CSMD1: variants seen among roughly 807,000 people sequenced by gnomAD.
CSMD1 encodes the protein CUB and sushi domain-containing protein 1.
Under a neutral mutation model 417.5 loss-of-function variants are expected in CSMD1, and 213 were observed. That is an observed-to-expected ratio of 0.51 (90% CI 0.46 to 0.57). The LOEUF (loss-of-function observed/expected upper bound fraction) is 0.57, where lower values mean the gene tolerates loss of function less well. Among genes scored for constraint, CSMD1 ranks in the 20% least tolerant of loss-of-function variants. The pLI is 0.00. For missense variants in CSMD1, 6,923 were observed against 4,529.7 expected, an observed-to-expected ratio of 1.53 and a Z score of -15.17; for synonymous variants, 2,862 against 1,736.8, an observed-to-expected ratio of 1.65 and a Z score of -16.11.
chr8:4,720,915 T>C (rs1420433123), intron 1 of CSMD1, among the ~76,000 whole-genome samples: 1 of 152,162 alleles, frequency 6.6e-6, no homozygotes, highest in Non-Finnish European at 1.5e-5. Flanking sequence ...TGATCAAACA[T>C]CTTAACTTTC....
intron 5 of CSMD1, among the ~76,000 whole-genome samples, chr8:3,924,860 C>A (rs955667656): frequency 1.3e-5 from 2 of 152,028 alleles, no homozygotes; most frequent in African/African-American, 4.8e-5. Context: ...TTCAAAAATT[C>A]TCATTTCTTT....
chr8:4,051,381 G>C (rs1003663174), intron 3 of CSMD1, among the ~76,000 whole-genome samples: 10 of 152,028 alleles, frequency 6.6e-5, no homozygotes, highest in African/African-American at 2.4e-4. Flanking sequence ...TGATCCCGGA[G>C]GGCTGATCCA....
In CSMD1 at chr8:4,848,068, A is replaced by T. The variant is rs576210439; in HGVS notation, c.85+146264T>A. ...GGGGACATTTCCTATGAATGGAGTC[A>T]TAGACATGCTGTATGGTTTTGCAAC... On this transcript the variant is annotated intron_variant, in intron 1 of 69. Coordinates refer to ENST00000635120, the MANE Select transcript of CSMD1 (RefSeq NM_033225.6). 4.6e-5 allele frequency among the ~76,000 whole-genome samples: 7 copies of T among 152,268 alleles called. No homozygotes were observed. In the East Asian group the frequency reaches 1.4e-3, roughly 29 times the overall value.
At chr8:3,396,554 C>T (rs1554538003) in intron 16 of CSMD1, among the ~76,000 whole-genome samples, 173 bp from the exon 17 acceptor site, 1 of 152,122 alleles carries the variant, frequency 6.6e-6, no homozygotes, top group Admixed American at 6.5e-5. Context: ...ATGTTCTTTT[C>T]TTGATGAGAC....
intron 5 of CSMD1, among the ~76,000 whole-genome samples, chr8:3,997,344 C>T (rs760029521): frequency 4.6e-5 from 7 of 152,152 alleles, no homozygotes; most frequent in Non-Finnish European, 8.8e-5. Flanking sequence ...TACTGGGGTA[C>T]ACACCAGAGA....
intron 3 of CSMD1, among the ~76,000 whole-genome samples, chr8:4,114,463 A>G (rs989600995): frequency 2.0e-5 from 3 of 152,222 alleles, no homozygotes; most frequent in African/African-American, 7.2e-5. Context: ...AGAGATGCTT[A>G]AAGAGATTAA....
intron 2 of CSMD1, among the ~76,000 whole-genome samples, chr8:4,490,000 GTC>G (rs1452299659): frequency 6.7e-6 from 1 of 149,368 alleles, no homozygotes; most frequent in African/African-American, 2.5e-5. Flanking sequence ...CAAAATTGTT[GTC>G]TGTCTTTCCA....
intron 7 of CSMD1, among the ~76,000 whole-genome samples, chr8:3,690,317 C>A (rs999468445): frequency 2.0e-5 from 3 of 152,258 alleles, no homozygotes; most frequent in Non-Finnish European, 4.4e-5. Context: ...GATCGCACCA[C>A]TGCACTGCAG....
intron 3 of CSMD1, among the ~76,000 whole-genome samples, chr8:4,071,301 T>A (rs1189710862): frequency 6.6e-6 from 1 of 152,194 alleles, no homozygotes; most frequent in Admixed American, 6.5e-5. Flanking sequence ...TTTCTCTATA[T>A]TCTACTGATT....
intron 26 of CSMD1, among the ~76,000 whole-genome samples, chr8:3,260,383 G>T (rs183306967): frequency 6.6e-6 from 1 of 151,882 alleles, no homozygotes; most frequent in East Asian, 2.0e-4. Context: ...TGTTTCAGTG[G>T]CCGAACAGGT....
intron 3 of CSMD1, among the ~76,000 whole-genome samples, chr8:4,143,841 C>G (rs1455058902): frequency 6.6e-6 from 1 of 151,084 alleles, no homozygotes; most frequent in Non-Finnish European, 1.5e-5. Context: ...GATTTAAGTA[C>G]TTATTTTGAG....
chr8:4,697,825 C>A (rs545857037), intron 1 of CSMD1, among the ~76,000 whole-genome samples: 53 of 152,198 alleles, frequency 3.5e-4, no homozygotes, highest in African/African-American at 1.3e-3. Context: ...AAACACTAAG[C>A]CATAATTTCA....
intron 3 of CSMD1, among the ~76,000 whole-genome samples, chr8:4,410,738 G>T (rs946621540): frequency 6.6e-6 from 1 of 152,114 alleles, no homozygotes; most frequent in African/African-American, 2.4e-5. Context: ...ATAAAATTAT[G>T]ATTAAGATGA....
At chr8:4,204,077 G>T (rs1358731147) in intron 3 of CSMD1, among the ~76,000 whole-genome samples, 1 of 152,042 alleles carries the variant, frequency 6.6e-6, no homozygotes, top group Non-Finnish European at 1.5e-5. Flanking sequence ...CTCCAGCCTG[G>T]GTGACAGAAC....
intron 3 of CSMD1, among the ~76,000 whole-genome samples, chr8:4,289,367 G>T (rs988005280): frequency 5.3e-5 from 8 of 151,170 alleles, no homozygotes; most frequent in African/African-American, 1.9e-4. Context: ...TTATAGGTAA[G>T]ATAGATTAAC....
At chr8:4,965,242 A>C (rs966472548) in intron 1 of CSMD1, among the ~76,000 whole-genome samples, 1 of 152,208 alleles carries the variant, frequency 6.6e-6, no homozygotes, top group Non-Finnish European at 1.5e-5. Flanking sequence ...AGATTTTAAA[A>C]ATGTTCCCAT....
At chr8:3,117,643 A>AT (rs1816948930) in intron 42 of CSMD1, among the ~76,000 whole-genome samples, 2 of 152,228 alleles carry the variant, frequency 1.3e-5, no homozygotes, top group African/African-American at 2.4e-5. Context: ...TTAATTAGAT[A>AT]TTGAAAAAAT....
At chr8:4,486,991 C>G (rs987196473) in intron 2 of CSMD1, among the ~76,000 whole-genome samples, 1 of 152,116 alleles carries the variant, frequency 6.6e-6, no homozygotes, top group African/African-American at 2.4e-5. Context: ...CTACACACGC[C>G]TTCCACATCG....
intron 1 of CSMD1, among the ~76,000 whole-genome samples, chr8:4,675,558 T>G (rs77870163): frequency 6.6e-6 from 1 of 152,150 alleles, no homozygotes; most frequent in Non-Finnish European, 1.5e-5. Context: ...TATTTCAATG[T>G]AGAGACAATA....
Sources: gnomAD v4.1 joint callset for allele counts (sites outside exome capture counted in the v4.1 genomes callset) on GRCh38, gnomAD v4.1.1 for gene constraint, MANE v1.5 for transcripts, NCBI Gene and HGNC (gene_info 2026-07-23, HGNC 2026-07-21) for gene names.